Variants in SHANK2 observed in about 807,000 individuals in gnomAD.
SHANK2 encodes SH3 and multiple ankyrin repeat domains 2.
A neutral mutation model predicts 133.7 loss-of-function variants in SHANK2; 43 were observed. That is an observed-to-expected ratio of 0.32 (90% CI 0.25 to 0.41). The LOEUF is 0.41. SHANK2 is among the 10% of genes least tolerant of loss of function. The pLI, the probability that SHANK2 is intolerant of heterozygous loss-of-function variation, is 1.00. For missense variants in SHANK2, 1,994 were observed against 2,235.8 expected, an observed-to-expected ratio of 0.89 and a Z score of 2.18; for synonymous variants, 1,017 against 952.8, an observed-to-expected ratio of 1.07 and a Z score of -1.24.
rs540097672 is a variant in SHANK2 at position 70,486,267 on chromosome 11, G to C, written c.4026C>G (p.Asp1342Glu). 31 of 1,614,000 alleles carry C rather than the reference G, an allele frequency of 1.9e-5. No individual in the cohort carries two copies. In the Admixed American group the frequency reaches 3.7e-4, roughly 19 times the overall value. ...CTTCTGGCACCTCGGACGGCGAGCT[G>C]TCTGGCTTCATCTCCACCTCTGCCT... ...DEKAEVEMKP[D>E]SSPSEVPEGV... Residue 1342 changes from aspartate (D) to glutamate (E), a missense_variant, in exon 25 of 26, where the codon GAC becomes GAG. Coordinates refer to ENST00000601538, the MANE Select transcript of SHANK2 (RefSeq NM_012309.5). This position sits in a 1 kb window ranked among gnomAD's most constrained non-coding sequence, Gnocchi z 8.0.
At chr11:70,724,228 G>T (rs1591788721) in intron 14 of SHANK2, among the ~76,000 whole-genome samples, 2 of 151,998 alleles carry the variant, frequency 1.3e-5, no homozygotes, top group African/African-American at 4.8e-5. Flanking sequence ...TAGAGACAGG[G>T]TTTCACCATG....
chr11:70,792,450 G>T (rs1277108732), intron 14 of SHANK2, among the ~76,000 whole-genome samples: 1 of 144,634 alleles, frequency 6.9e-6, no homozygotes, highest in Non-Finnish European at 1.5e-5. Context: ...CAACCAACGA[G>T]GACCACCATT....
chr11:70,563,413 C>T (rs2059932068), intron 17 of SHANK2, among the ~76,000 whole-genome samples: 1 of 152,192 alleles, frequency 6.6e-6, no homozygotes, highest in African/African-American at 2.4e-5. Flanking sequence ...TGTCGTAATC[C>T]CCAAGCTACA....
At chr11:71,141,849 A>C (rs1952559659) in intron 3 of SHANK2, among the ~76,000 whole-genome samples, 1 of 152,102 alleles carries the variant, frequency 6.6e-6, no homozygotes, top group Non-Finnish European at 1.5e-5. Context: ...GAAAGCCCAA[A>C]CTACTGACAG....
chr11:70,551,069 AC>A (rs2059761257), intron 17 of SHANK2, among the ~76,000 whole-genome samples: 1 of 151,424 alleles, frequency 6.6e-6, no homozygotes, highest in Non-Finnish European at 1.5e-5. Context: ...ACCCCCTCCC[AC>A]CCCCTCCGAG....
intron 14 of SHANK2, among the ~76,000 whole-genome samples, chr11:70,752,705 C>CAAAAAAAAAAAAA (rs530096112): frequency 2.9e-5 from 3 of 103,870 alleles, no homozygotes; most frequent in African/African-American, 3.9e-5. Context: ...GACTCCGTCT[C>CAAAAAAAAAAAAA]AAAAAAAAAA....
chr11:70,577,444 G>A (rs1400061560), intron 17 of SHANK2, among the ~76,000 whole-genome samples: 1 of 152,230 alleles, frequency 6.6e-6, no homozygotes, highest in Non-Finnish European at 1.5e-5. Context: ...GATTCCCTGA[G>A]CCTCAATTCC....
At chr11:70,747,688 C>G (rs946576046) in intron 14 of SHANK2, among the ~76,000 whole-genome samples, 4 of 152,178 alleles carry the variant, frequency 2.6e-5, no homozygotes, top group African/African-American at 9.7e-5. Flanking sequence ...TGTGTGTGCA[C>G]ATGAGTATGT....
At chr11:70,587,766 G>A (rs781837653) in intron 17 of SHANK2, among the ~76,000 whole-genome samples, 14 of 148,894 alleles carry the variant, frequency 9.4e-5, no homozygotes, top group Admixed American at 2.7e-4. Context: ...GTACAGTGGC[G>A]AGATCACAGC....
At chr11:70,759,314 G>A (rs529561558) in intron 14 of SHANK2, among the ~76,000 whole-genome samples, 24 of 151,728 alleles carry the variant, frequency 1.6e-4, no homozygotes, top group East Asian at 5.8e-4. Flanking sequence ...GCCAAACCCC[G>A]TCACTAGTAA....
At chr11:71,121,122 C>T (rs1259955746) in intron 3 of SHANK2, among the ~76,000 whole-genome samples, 3 of 152,212 alleles carry the variant, frequency 2.0e-5, no homozygotes, top group South Asian at 2.1e-4. Context: ...GCTCAAAGGT[C>T]GGAAAGCCTG....
At chr11:70,507,167 G>A (rs896202727) in intron 17 of SHANK2, among the ~76,000 whole-genome samples, 15 of 152,188 alleles carry the variant, frequency 9.9e-5, no homozygotes, top group African/African-American at 1.9e-4. Flanking sequence ...TGCTGTGCCC[G>A]CCCGCCCCAG....
At chr11:70,934,587 G>A (rs1363353261) in intron 10 of SHANK2, among the ~76,000 whole-genome samples, 2 of 152,190 alleles carry the variant, frequency 1.3e-5, no homozygotes, top group Admixed American at 6.5e-5. Context: ...GCCTCTCCTG[G>A]CATTCTTTGC....
chr11:70,794,210 G>A (rs1947857305), intron 14 of SHANK2, among the ~76,000 whole-genome samples: 1 of 151,396 alleles, frequency 6.6e-6, no homozygotes, highest in South Asian at 2.1e-4. Flanking sequence ...GAACTCTGGA[G>A]TGGGAGTTTG....
At chr11:70,718,048 T>C (rs367663627) in intron 14 of SHANK2, among the ~76,000 whole-genome samples, 116 of 152,170 alleles carry the variant, frequency 7.6e-4, no homozygotes, top group African/African-American at 2.6e-3. Context: ...GACTTTTTTT[T>C]CCCCTAGTGC....
rs1260857848 is a variant in SHANK2 at position 70,698,719 on chromosome 11, C to T, written c.1822G>A (p.Val608Met). Residue 608 changes from valine to methionine, a missense_variant, in exon 15 of 26, where the codon GTG (valine) becomes ATG (methionine). By Grantham distance (21) the Val-to-Met change is conservative. Around this residue, in one of 5 missense-constraint regions of SHANK2, gnomAD observed 653 missense variants for 563.4 expected, o/e 1.16. Transcript: ENST00000601538. ...RSKKLFRHYT[V>M]GSYDSFDTSS... ...GTGTCGAAGCTGTCATAGGAGCCCA[C>T]GGTGTAGTGCCTGAAAAGCTTCTTG... The T allele has an allele frequency of 4.2e-6, 3 of 718,534 alleles. No individual in the cohort carries two copies. The highest frequency in any genetic ancestry group is 1.7e-5 in the African/African-American group (1 of 57,272). The allele number at this position is 718,534 out of a possible 1,614,324, so 44.5% of individuals were successfully genotyped here.
intron 17 of SHANK2, among the ~76,000 whole-genome samples, chr11:70,619,474 G>A (rs1022031618): frequency 2.6e-5 from 4 of 152,150 alleles, no homozygotes; most frequent in African/African-American, 7.2e-5. Context: ...TTATAAGGAC[G>A]CCTGTGGTCA....
chr11:70,925,018 G>T (rs557861141), intron 10 of SHANK2, among the ~76,000 whole-genome samples: 1 of 152,044 alleles, frequency 6.6e-6, no homozygotes, highest in Non-Finnish European at 1.5e-5. Context: ...GCAGAGATGC[G>T]CACTCTAAGC....
chr11:71,175,534 CAGAGGGAGAGGG>C lies in SHANK2; in HGVS notation c.-12-28208_-12-28197del, dbSNP rs879958500. Among the ~76,000 whole-genome samples, 176 of 104,324 alleles carry C rather than the reference CAGAGGGAGAGGG, an allele frequency of 1.7e-3. 1 individual carries two copies. Among genetic ancestry groups the C allele is most frequent in the African/African-American group, 5.8e-3 (159 of 27,200 alleles). The allele number at this position is 104,324 out of a possible 152,430, so 68.4% of individuals were successfully genotyped here. A position where few individuals can be genotyped will look rare whatever the true frequency, so the allele number is the denominator to read the frequency against. ...GGGCAGAAACAGACAGACAGACAGACAGAGGGAGAGGGAGAGGGAGAGAGAGAGAGAGAGAGA... is the reference window on the plus strand; with the variant it reads ...GGGCAGAAACAGACAGACAGACAGACAGAGGGAGAGAGAGAGAGAGAGAGA... On this transcript the variant is annotated intron_variant, in intron 2 of 25. Transcript: ENST00000601538. This position sits in a 1 kb window ranked among gnomAD's most constrained non-coding sequence, Gnocchi z 4.2.
Sources: gnomAD v4.1 joint callset for allele counts (sites outside exome capture counted in the v4.1 genomes callset) on GRCh38, gnomAD v4.1.1 for gene constraint, gnomAD v4.1.1 regional missense constraint, Gnocchi (gnomAD v3.1) non-coding constraint, MANE v1.5 for transcripts, NCBI Gene and HGNC (gene_info 2026-07-23, HGNC 2026-07-21) for gene names.